Variants in TNIK observed in about 807,000 individuals in gnomAD.
TNIK encodes the protein TRAF2 and NCK-interacting protein kinase.
In TNIK, 49 loss-of-function variants were observed where a neutral mutation model predicts 191.3. That is an observed-to-expected ratio of 0.26 (90% CI 0.20 to 0.32). The LOEUF (loss-of-function observed/expected upper bound fraction) is 0.32. Among genes scored for constraint, TNIK ranks in the 10% least tolerant of loss-of-function variants. The probability of loss-of-function intolerance (pLI) is 1.00; values close to 1 mark genes in which losing one functional copy is unlikely to be tolerated. For missense variants in TNIK, 1,155 were observed against 1,702.3 expected (o/e 0.68, Z 5.66); for synonymous variants, 594 against 600.9 (o/e 0.99, Z 0.17).
In TNIK at chr3:171,059,768, G is replaced by A. The variant is rs761984192; in HGVS notation, c.*4113C>T. ...GATTTTAGATTTATGTTACAACTATGTAGTCTCAGGGGAGGTCAGTTTTTG... is the reference window on the plus strand; with the variant it reads ...GATTTTAGATTTATGTTACAACTATATAGTCTCAGGGGAGGTCAGTTTTTG... On this transcript the variant is annotated 3_prime_UTR_variant, in exon 33 of 33. Transcript: ENST00000436636. 2.0e-4 allele frequency among the ~76,000 whole-genome samples: 30 copies of A among 152,178 alleles called. No homozygotes were observed. The highest frequency in any genetic ancestry group is 3.4e-4 in the Non-Finnish European group (23 of 68,028).
At chr3:171,375,717 T>C (rs1717118640) in intron 1 of TNIK, among the ~76,000 whole-genome samples, 1 of 152,198 alleles carries the variant, frequency 6.6e-6, no homozygotes, top group Non-Finnish European at 1.5e-5. Context: ...TCCCAAAGAT[T>C]GAAAAAGGCA....
At chr3:171,346,196 G>A (rs562097655) in intron 2 of TNIK, among the ~76,000 whole-genome samples, 4 of 152,244 alleles carry the variant, frequency 2.6e-5, no homozygotes, top group African/African-American at 4.8e-5. Flanking sequence ...TCTGCTTGGC[G>A]TGGTTGATCA....
intron 1 of TNIK, among the ~76,000 whole-genome samples, chr3:171,429,031 C>T (rs1017943063): frequency 6.6e-6 from 1 of 152,152 alleles, no homozygotes; most frequent in African/African-American, 2.4e-5. Flanking sequence ...ATCATTCCAT[C>T]AAGTACTGTA....
chr3:171,302,567 C>T (rs34614408), intron 2 of TNIK, among the ~76,000 whole-genome samples: 4,924 of 151,732 alleles, frequency 0.032, 125 homozygotes, highest in Admixed American at 0.05. Context: ...AATGGGAACC[C>T]GAACATTAGA....
At chr3:171,364,134 G>A (rs1213338317) in intron 2 of TNIK, among the ~76,000 whole-genome samples, 1 of 152,172 alleles carries the variant, frequency 6.6e-6, no homozygotes, top group Non-Finnish European at 1.5e-5. Flanking sequence ...AATGTTCAAA[G>A]AGGATACCCC....
chr3:171,131,798 G>A (rs1443400096), intron 15 of TNIK, among the ~76,000 whole-genome samples: 1 of 152,156 alleles, frequency 6.6e-6, no homozygotes, highest in Non-Finnish European at 1.5e-5. Context: ...ATCAAACATT[G>A]GAAGTGGCAC....
intron 23 of TNIK, among the ~76,000 whole-genome samples, chr3:171,088,616 C>A (rs765514941): frequency 2.6e-5 from 4 of 152,128 alleles, no homozygotes; most frequent in Non-Finnish European, 5.9e-5. Flanking sequence ...TTAGGTGACA[C>A]GCTGTACAGT....
intron 1 of TNIK, among the ~76,000 whole-genome samples, chr3:171,418,142 A>G (rs115133765): frequency 1.4e-3 from 209 of 152,296 alleles, no homozygotes; most frequent in African/African-American, 4.6e-3. Flanking sequence ...CAGTTCTAAG[A>G]TTCTATAATT....
At chr3:171,401,296 A>G (rs1476861496) in intron 1 of TNIK, among the ~76,000 whole-genome samples, 2 of 152,132 alleles carry the variant, frequency 1.3e-5, no homozygotes, top group Non-Finnish European at 2.9e-5. Context: ...TACAGCCAAC[A>G]CAGGCTTGGG....
chr3:171,296,176 C>T (rs966584909), intron 2 of TNIK, among the ~76,000 whole-genome samples: 1 of 152,152 alleles, frequency 6.6e-6, no homozygotes, highest in Non-Finnish European at 1.5e-5. Context: ...CTCTCAGCCA[C>T]GACCTGTGCT....
chr3:171,231,345 A>G (rs1166443995), intron 2 of TNIK, among the ~76,000 whole-genome samples: 1 of 150,088 alleles, frequency 6.7e-6, no homozygotes, highest in East Asian at 1.9e-4. Flanking sequence ...TTAAGTAGCC[A>G]CTATGAAAAT....
rs949250936 is a variant in TNIK at position 171,317,630 on chromosome 3, A to T, written c.123+51990T>A. On this transcript the variant is annotated intron_variant, in intron 2 of 32. Transcript: ENST00000436636. ...TCTGGACAGAGCGTGAGTGAACAGA[A>T]TGAAGATGACAAGAAAGGGAAAGAA... Among the ~76,000 whole-genome samples the T allele has an allele frequency of 3.9e-4, 59 of 152,198 alleles. 1 individual carries two copies. Among genetic ancestry groups the T allele is most frequent in the African/African-American group, 1.2e-3 (48 of 41,468 alleles).
At position 171,059,717 on chromosome 3, in the gene TNIK, T is replaced by C. The variant is rs1444699999; in HGVS notation, c.*4164A>G. On this transcript the variant is annotated 3_prime_UTR_variant, in exon 33 of 33. Transcript: ENST00000436636. Reference sequence around the variant, plus strand: ...GGCATTTATGAGAAATATTAGCAGGTAAATTAAATCAAATTTAGACTTTTG... The same window carrying C: ...GGCATTTATGAGAAATATTAGCAGGCAAATTAAATCAAATTTAGACTTTTG... 6.6e-6 allele frequency among the ~76,000 whole-genome samples: 1 copy of C among 152,226 alleles called. No homozygotes were observed. Among genetic ancestry groups the C allele is most frequent in the Non-Finnish European group, 1.5e-5 (1 of 68,038 alleles).
chr3:171,360,957 T>C (rs1386656488), intron 2 of TNIK, among the ~76,000 whole-genome samples: 1 of 152,228 alleles, frequency 6.6e-6, no homozygotes, highest in Non-Finnish European at 1.5e-5. Context: ...TGTTTATCTA[T>C]AAACCATGCC....
Position 171,419,038 on chromosome 3 carries a change from TTATAAG to T in TNIK, c.57+40963_57+40968del, listed in dbSNP as rs1723426877. The stretch of plus-strand genomic sequence containing the variant: ...AGAGCAAGCTCTTTGGTGTCTCTTC[TTATAAG>T]TATATTAATCCTACCAGATTAGGGC... On this transcript the variant is annotated intron_variant, in intron 1 of 32. Coordinates refer to ENST00000436636, the MANE Select transcript of TNIK (RefSeq NM_015028.4). Among the ~76,000 whole-genome samples, 2 of 152,168 alleles carry T rather than the reference TTATAAG, an allele frequency of 1.3e-5. 1 individual carries two copies. Among genetic ancestry groups the T allele is most frequent in the African/African-American group, 4.8e-5 (2 of 41,438 alleles).
chr3:171,188,458 A>C (rs115953496), intron 7 of TNIK, among the ~76,000 whole-genome samples: 1 of 152,220 alleles, frequency 6.6e-6, no homozygotes, highest in African/African-American at 2.4e-5. Flanking sequence ...AATTTAAAAA[A>C]ATATAGAAAA....
chr3:171,226,283 G>C (rs1030896658), intron 3 of TNIK, among the ~76,000 whole-genome samples: 3 of 152,156 alleles, frequency 2.0e-5, no homozygotes, highest in African/African-American at 7.2e-5. Context: ...TATTTCACTG[G>C]AAGGGGCTCA....
intron 1 of TNIK, among the ~76,000 whole-genome samples, chr3:171,382,518 G>T (rs1323168690): frequency 6.6e-6 from 1 of 152,170 alleles, no homozygotes; most frequent in Non-Finnish European, 1.5e-5. Flanking sequence ...ACCGTGCCCG[G>T]CCTGAATAAA....
intron 22 of TNIK, 74 bp downstream of exon 22, chr3:171,101,375 C>T (rs1437134598): frequency 2.0e-6 from 3 of 1,483,676 alleles, no homozygotes; most frequent in African/African-American, 2.8e-5. Flanking sequence ...TTACATTTAA[C>T]TCATATTTTT....
Sources: allele counts gnomAD v4.1 joint callset (sites outside exome capture counted in the v4.1 genomes callset), GRCh38; gene constraint gnomAD v4.1.1; transcripts MANE v1.5; gene names NCBI Gene and HGNC (gene_info 2026-07-23, HGNC 2026-07-21).